CLN8: variants seen among roughly 807,000 people sequenced by gnomAD.
CLN8 encodes protein CLN8.
In CLN8, 14 loss-of-function variants were observed where a neutral mutation model predicts 15.7. The observed-to-expected ratio is 0.89, with a 90% CI of 0.59 to 1.39. The LOEUF is 1.39. Ranked by LOEUF, CLN8 falls within the 40% of genes most tolerant of loss-of-function variation. The pLI is 0.00. For missense variants in CLN8, 415 were observed against 364.0 expected (o/e 1.14, Z -1.14); for synonymous variants, 188 against 151.0 (o/e 1.25, Z -1.80).
upstream of CLN8, chr8:1,763,059 C>G (rs988432333): frequency 6.6e-6 from 1 of 152,226 alleles, no homozygotes; most frequent in Non-Finnish European, 1.5e-5. Flanking sequence ...GACAAAAACT[C>G]AGGTGTGGGC....
chr8:1,753,762 T>C (rs1482938051), upstream of CLN8, among the ~76,000 whole-genome samples: 2 of 150,914 alleles, frequency 1.3e-5, no homozygotes, highest in African/African-American at 2.4e-5. Context: ...TGTGGGTGCC[T>C]GTAATCCCAG....
chr8:1,775,311 G>A (rs1024459554), intron 2 of CLN8, among the ~76,000 whole-genome samples: 2 of 152,112 alleles, frequency 1.3e-5, no homozygotes, highest in African/African-American at 2.4e-5. Context: ...TTGAGCATCC[G>A]TGGCTTTGGG....
upstream of CLN8, chr8:1,763,181 T>A (rs1800850213): frequency 6.6e-6 from 1 of 151,862 alleles, no homozygotes; most frequent in African/African-American, 2.4e-5. Context: ...GGAGCGCGAC[T>A]CAGCCGCGGC....
intron 2 of CLN8, among the ~76,000 whole-genome samples, chr8:1,774,859 C>G (rs951510943): frequency 2.6e-5 from 4 of 152,138 alleles, no homozygotes; most frequent in African/African-American, 9.7e-5. Flanking sequence ...TAGTGGCACA[C>G]GTCTGTAGTA....
chr8:1,754,148 A>T (rs1269165662), upstream of CLN8, among the ~76,000 whole-genome samples: 3 of 152,196 alleles, frequency 2.0e-5, no homozygotes, highest in African/African-American at 7.2e-5. Flanking sequence ...AGCACTGCAC[A>T]TAGCCCTCTC....
At chr8:1,755,275 T>C (rs1262477102), upstream of CLN8, among the ~76,000 whole-genome samples, 1 of 152,190 alleles carries the variant, frequency 6.6e-6, no homozygotes, top group African/African-American at 2.4e-5. Flanking sequence ...GGTTAGTCTA[T>C]GTCATGCATT....
intron 2 of CLN8, among the ~76,000 whole-genome samples, chr8:1,773,209 C>T (rs899021568): frequency 5.9e-5 from 9 of 152,126 alleles, no homozygotes; most frequent in African/African-American, 2.2e-4. Flanking sequence ...ACCATGGCCC[C>T]AGATGCGGAC....
chr8:1,764,696 G>C (rs964277827), intron 1 of CLN8: 6 of 153,440 alleles, frequency 3.9e-5, no homozygotes, highest in African/African-American at 1.4e-4. Flanking sequence ...GGTCAGGTCA[G>C]CAGGAGGTGG....
At chr8:1,762,887 T>G (rs1476843770), upstream of CLN8, 2 of 152,228 alleles carry the variant, frequency 1.3e-5, no homozygotes, top group Admixed American at 6.5e-5. Context: ...GAACGTGTAT[T>G]GATCATCAAT....
rs537357548 is a variant in CLN8 at position 1,783,377 on chromosome 8, C to T, written c.*2810C>T. On this transcript the variant is annotated 3_prime_UTR_variant, in exon 3 of 3. Coordinates refer to ENST00000331222, the MANE Select transcript of CLN8 (RefSeq NM_018941.4). Reference sequence around the variant, plus strand: ...GAAAACTAGGACGATTGGGCAATATCGGCCTTAACTCCACCTGATGGCAGG... The same window carrying T: ...GAAAACTAGGACGATTGGGCAATATTGGCCTTAACTCCACCTGATGGCAGG... The T allele has an allele frequency of 1.3e-5, 2 of 152,340 alleles. No homozygotes were observed. The highest frequency in any genetic ancestry group is 2.1e-4 in the South Asian group (1 of 4,826). 9.4% of individuals were successfully genotyped at this position (152,340 alleles called of 1,614,324 possible).
At chr8:1,775,620 A>G (rs1262203161) in intron 2 of CLN8, among the ~76,000 whole-genome samples, 1 of 152,184 alleles carries the variant, frequency 6.6e-6, no homozygotes. Flanking sequence ...GTAAGTGAGG[A>G]AAATGGTGGA....
In CLN8 at chr8:1,783,173, T is replaced by A. The variant is rs1032144714; in HGVS notation, c.*2606T>A. 2 of 152,300 alleles carry A rather than the reference T, an allele frequency of 1.3e-5. No homozygotes were observed. The highest frequency in any genetic ancestry group is 2.9e-5 in the Non-Finnish European group (2 of 68,088). The allele number at this position is 152,300 out of a possible 1,614,324, so 9.4% of individuals were successfully genotyped here. ...ATAGTGGAGCATGGTACAAGCGACA[T>A]TCATGAGCTCTGACTTCTTGGTGCC... On this transcript the variant is annotated 3_prime_UTR_variant, in exon 3 of 3. Transcript: ENST00000331222.
At chr8:1,772,394 G>A (rs748820281) in intron 2 of CLN8, among the ~76,000 whole-genome samples, 6 of 152,124 alleles carry the variant, frequency 3.9e-5, no homozygotes, top group African/African-American at 1.4e-4. Flanking sequence ...TGAAGAACAT[G>A]TTTTAAAAAT....
rs558025701 is a variant in CLN8 at position 1,771,681 on chromosome 8, C to T, written c.543+84C>T. On this transcript the variant is annotated intron_variant, in intron 2 of 2. Transcript: ENST00000331222. ...AATGTCCTGGACGCTGCCATAAACT[C>T]AACAGCAGGCTGGATTGCAGCACAC... is the stretch of plus-strand genomic sequence containing the variant. 8.7e-6 allele frequency: 11 copies of T among 1,260,456 alleles called. No homozygotes were observed. The African/African-American group carries it at 1.0e-4, about 12-fold the overall frequency. 78.1% of individuals were successfully genotyped at this position (1,260,456 alleles called of 1,614,324 possible).
chr8:1,763,771 CG>C (rs1800915322), upstream of CLN8: 1 of 149,186 alleles, frequency 6.7e-6, no homozygotes, highest in Non-Finnish European at 1.5e-5. Flanking sequence ...CGTGCGCGGG[CG>C]GTGTTTGAGG....
chr8:1,759,792 T>C (rs4372027), upstream of CLN8: 106,224 of 151,576 alleles, frequency 0.7, 37,345 homozygotes, highest in South Asian at 0.78. Flanking sequence ...ACCGCGGTCC[T>C]GCTCTCCCAC....
In CLN8 at chr8:1,771,344, G is replaced by T. The variant is rs116605307; in HGVS notation, c.290G>T (p.Arg97Leu). ...CCTGTGCTGCATGCCGACAAGGCGC[G>T]TGGCCAGCAGAACTGGTGCTGGTTT... ...GDPVLHADKA[R>L]GQQNWCWFHI... Residue 97 changes from arginine (R) to leucine (L), a missense_variant, in exon 2 of 3, where the codon CGT (arginine) becomes CTT (leucine). By Grantham distance (102) the Arg-to-Leu change is moderately radical (BLOSUM62 -2). Coordinates refer to ENST00000331222, the MANE Select transcript of CLN8 (RefSeq NM_018941.4). 3.7e-6 allele frequency: 6 copies of T among 1,614,204 alleles called. No homozygotes were observed. Among genetic ancestry groups the T allele is most frequent in the Non-Finnish European group, 5.1e-6 (6 of 1,180,034 alleles).
chr8:1,754,346 T>G (rs6558524), upstream of CLN8, among the ~76,000 whole-genome samples: 110,848 of 151,682 alleles, frequency 0.73, 40,801 homozygotes, highest in South Asian at 0.78. Context: ...ATTACACCAT[T>G]GGCTTTAGAT....
rs1801820983 is a variant in CLN8, at chr8:1,785,921, C to T, written c.*5354C>T. 2 of 153,946 alleles carry T rather than the reference C, an allele frequency of 1.3e-5. No individual in the cohort carries two copies. The highest frequency in any genetic ancestry group is 4.0e-4 in the South Asian group (2 of 4,996). The allele number at this position is 153,946 out of a possible 1,614,324, so 9.5% of individuals were successfully genotyped here. A position where few individuals can be genotyped will look rare whatever the true frequency, so the allele number is the denominator to read the frequency against. Reference sequence around the variant, plus strand: ...GGTCTCCAGACCCCAGCCCCACTCACACAGCAGCCTAGGAAGGAAGGGCAG... The same window carrying T: ...GGTCTCCAGACCCCAGCCCCACTCATACAGCAGCCTAGGAAGGAAGGGCAG... On this transcript the variant is annotated 3_prime_UTR_variant, in exon 3 of 3. Transcript: ENST00000331222.
Sources: gnomAD v4.1 joint callset for allele counts (sites outside exome capture counted in the v4.1 genomes callset) on GRCh38, gnomAD v4.1.1 for gene constraint, MANE v1.5 for transcripts, NCBI Gene and HGNC (gene_info 2026-07-23, HGNC 2026-07-21) for gene names.